PM20D2: variants seen among roughly 807,000 people sequenced by gnomAD.
The protein encoded by PM20D2 is xaa-Arg dipeptidase.
PM20D2 carries 33 observed loss-of-function variants against 42.9 expected under a neutral mutation model. The ratio of observed to expected loss-of-function variants is 0.77; its 90% CI spans 0.58 to 1.03. The LOEUF (loss-of-function observed/expected upper bound fraction) is 1.03, where lower values mean the gene tolerates loss of function less well. Among genes scored for constraint, PM20D2 ranks in the 50% least tolerant of loss-of-function variants. PM20D2 has a pLI of 0.00. For missense variants in PM20D2, 548 were observed against 557.0 expected (o/e 0.98, Z 0.16); for synonymous variants, 250 against 228.2 (o/e 1.10, Z -0.86).
At chr6:89,153,418 G>A (rs539283095) in intron 3 of PM20D2, among the ~76,000 whole-genome samples, 1 of 152,014 alleles carries the variant, frequency 6.6e-6, no homozygotes, top group South Asian at 2.1e-4. Context: ...TCATCTTTGA[G>A]TATCAAAGAT....
chr6:89,160,845 GT>G (rs1771209034), intron 5 of PM20D2, among the ~76,000 whole-genome samples: 1 of 152,234 alleles, frequency 6.6e-6, no homozygotes, highest in Non-Finnish European at 1.5e-5. Context: ...TGAAGGTTAA[GT>G]AAGAGTTACA....
At chr6:89,107,120 T>G in the PM20D2 span, 1 of 1,548,988 alleles carries the variant, frequency 6.5e-7, no homozygotes. Flanking sequence ...GCATATACAG[T>G]ATATTCACAT....
At chr6:89,126,694 T>G in the PM20D2 span, among the ~76,000 whole-genome samples, 1 of 138,888 alleles carries the variant, frequency 7.2e-6, no homozygotes, top group Admixed American at 7.2e-5. Context: ...AAAAAGGAGT[T>G]ATTAGCATTG....
the PM20D2 span, among the ~76,000 whole-genome samples, chr6:89,131,997 G>A: frequency 0.64 from 96,804 of 152,068 alleles, 31,838 homozygotes; most frequent in South Asian, 0.76. Context: ...TCAAAAAGGA[G>A]AATGCAAAAG....
the PM20D2 span, among the ~76,000 whole-genome samples, chr6:89,129,577 C>T: frequency 1.4e-5 from 2 of 145,598 alleles, 1 homozygote; most frequent in Non-Finnish European, 3.0e-5. Context: ...CCCCTCTTCT[C>T]TCTGTTTCTA....
At chr6:89,125,722 G>A in the PM20D2 span, among the ~76,000 whole-genome samples, 2 of 151,272 alleles carry the variant, frequency 1.3e-5, no homozygotes, top group African/African-American at 4.9e-5. Context: ...GGCGGACGTT[G>A]CAGTGAGCCA....
the PM20D2 span, among the ~76,000 whole-genome samples, chr6:89,124,329 C>T: frequency 6.6e-6 from 1 of 152,184 alleles, no homozygotes; most frequent in East Asian, 1.9e-4. Context: ...CATTTAATGT[C>T]TCATCAGTGT....
intron 4 of PM20D2, among the ~76,000 whole-genome samples, 167 bp from the exon 5 acceptor site, chr6:89,158,154 AAAAT>A (rs1341683801): frequency 4.6e-5 from 7 of 152,234 alleles, no homozygotes; most frequent in Admixed American, 1.3e-4. Flanking sequence ...CTCGTTATAG[AAAAT>A]AAATCTTTTT....
chr6:89,133,342 C>A, the PM20D2 span, among the ~76,000 whole-genome samples: 1 of 151,000 alleles, frequency 6.6e-6, no homozygotes, highest in Non-Finnish European at 1.5e-5. Context: ...TAATATAAAT[C>A]TCATAATTAT....
chr6:89,109,858 G>A, the PM20D2 span, among the ~76,000 whole-genome samples: 5 of 152,304 alleles, frequency 3.3e-5, no homozygotes, highest in South Asian at 4.1e-4. Context: ...TTGGGAGGCC[G>A]AGGTGGGCGG....
At chr6:89,098,692 C>T in the PM20D2 span, 20 of 1,613,908 alleles carry the variant, frequency 1.2e-5, no homozygotes, top group Middle Eastern at 1.6e-4. Flanking sequence ...GAGATTTACA[C>T]GGGGATCTTG....
At chr6:89,117,579 G>A in the PM20D2 span, among the ~76,000 whole-genome samples, 2 of 152,182 alleles carry the variant, frequency 1.3e-5, no homozygotes, top group East Asian at 3.9e-4. Flanking sequence ...AAAGCGACGC[G>A]GGCCCGGGAC....
the PM20D2 span, among the ~76,000 whole-genome samples, chr6:89,135,421 T>C: frequency 1.3e-5 from 2 of 151,154 alleles, no homozygotes; most frequent in Non-Finnish European, 2.9e-5. Flanking sequence ...CTCTATCAAA[T>C]TTTTTTTGTA....
At chr6:89,134,272 A>T in the PM20D2 span, among the ~76,000 whole-genome samples, 1 of 151,316 alleles carries the variant, frequency 6.6e-6, no homozygotes, top group East Asian at 1.9e-4. Context: ...TAAACAAGTT[A>T]TTTAGCTAAA....
chr6:89,137,102 A>G, the PM20D2 span, among the ~76,000 whole-genome samples: 5 of 151,426 alleles, frequency 3.3e-5, 1 homozygote, highest in African/African-American at 1.2e-4. Flanking sequence ...AACTTTACCA[A>G]CAATTGCTGC....
At chr6:89,117,697 G>T in the PM20D2 span, 1 of 964,238 alleles carries the variant, frequency 1.0e-6, no homozygotes. Flanking sequence ...AAGTGGCGCA[G>T]CCTGGGCCCG....
the PM20D2 span, chr6:89,096,976 T>G: frequency 6.6e-6 from 1 of 152,246 alleles, no homozygotes; most frequent in South Asian, 2.1e-4. Context: ...GTTGTAGTTT[T>G]GAAATAAATT....
chr6:89,104,925 G>A, the PM20D2 span, among the ~76,000 whole-genome samples: 1 of 151,948 alleles, frequency 6.6e-6, no homozygotes, highest in Non-Finnish European at 1.5e-5. Flanking sequence ...GTGTGGTGGT[G>A]CACACCTGTA....
the PM20D2 span, among the ~76,000 whole-genome samples, chr6:89,104,009 T>C: frequency 7.3e-6 from 1 of 136,722 alleles, no homozygotes; most frequent in Admixed American, 7.3e-5. Flanking sequence ...TTTTTTTTTT[T>C]TTTTTTTTGG....
Sources: gnomAD v4.1 joint callset for allele counts (sites outside exome capture counted in the v4.1 genomes callset) on GRCh38, gnomAD v4.1.1 for gene constraint, MANE v1.5 for transcripts, NCBI Gene and HGNC (gene_info 2026-07-23, HGNC 2026-07-21) for gene names.